ANKRD36: variants seen among roughly 807,000 people sequenced by gnomAD.
The protein encoded by ANKRD36 is ankyrin repeat domain 36, also known as ankyrin repeat domain-containing protein 36A.
ANKRD36 carries 179 observed loss-of-function variants against 278.1 expected under a neutral mutation model. That is an observed-to-expected ratio of 0.64 (90% confidence interval 0.57 to 0.73). The LOEUF is 0.73. Ranked by LOEUF, ANKRD36 falls within the 30% of genes least tolerant of loss-of-function variation. The pLI is 0.00. For missense variants in ANKRD36, 1,159 were observed against 1,956.7 expected, an observed-to-expected ratio of 0.59 and a Z score of 7.69; for synonymous variants, 320 against 641.1, an observed-to-expected ratio of 0.50 and a Z score of 7.57.
intron 6 of ANKRD36, among the ~76,000 whole-genome samples, chr2:97,131,645 C>A (rs1240550976): frequency 1.3e-5 from 2 of 151,778 alleles, no homozygotes; most frequent in Non-Finnish European, 2.9e-5. Context: ...AAGAACTGCC[C>A]TTAACAGATG....
intron 48 of ANKRD36, among the ~76,000 whole-genome samples, chr2:97,203,769 G>T (rs1282337781): frequency 6.6e-6 from 1 of 151,820 alleles, no homozygotes; most frequent in Non-Finnish European, 1.5e-5. Flanking sequence ...TCTGATTTTA[G>T]ATCACTTTGT....
At chr2:97,154,824 C>G in intron 15 of ANKRD36, 83 bp downstream of exon 15, 1 of 1,152,286 alleles carries the variant, frequency 8.7e-7, no homozygotes, top group Non-Finnish European at 1.2e-6. Flanking sequence ...TAATAGGTAG[C>G]AATTGTCTAC....
intron 40 of ANKRD36, among the ~76,000 whole-genome samples, chr2:97,196,378 A>G (rs1294959963): frequency 6.6e-6 from 1 of 151,954 alleles, no homozygotes; most frequent in African/African-American, 2.4e-5. Context: ...AAATCATGCC[A>G]TGTTTGAAAT....
intron 75 of ANKRD36, among the ~76,000 whole-genome samples, chr2:97,259,074 C>T (rs1422036175): frequency 2.3e-4 from 32 of 139,414 alleles, no homozygotes; most frequent in African/African-American, 8.0e-4. Flanking sequence ...TGTTTTTCCC[C>T]GATGGAATCA....
chr2:97,169,953 G>A (rs1027131011), intron 22 of ANKRD36, among the ~76,000 whole-genome samples: 4 of 152,070 alleles, frequency 2.6e-5, no homozygotes, highest in Non-Finnish European at 5.9e-5. Flanking sequence ...CAAAAAAAGG[G>A]CCCATATAGC....
intron 46 of ANKRD36, among the ~76,000 whole-genome samples, chr2:97,201,707 T>C (rs151020189): frequency 6.6e-4 from 100 of 152,026 alleles, no homozygotes; most frequent in Non-Finnish European, 1.3e-3. Context: ...GGAAGAGATG[T>C]GAAGTATAAG....
chr2:97,196,546 T>G, intron 40 of ANKRD36, 47 bp from the exon 41 acceptor site: 1 of 1,601,932 alleles, frequency 6.2e-7, no homozygotes, highest in Non-Finnish European at 8.5e-7. Context: ...ATGGATATCT[T>G]TGTCATATTT....
At chr2:97,188,517 A>C (rs1267277546) in intron 32 of ANKRD36, among the ~76,000 whole-genome samples, 1 of 150,690 alleles carries the variant, frequency 6.6e-6, no homozygotes, top group African/African-American at 2.4e-5. Context: ...GGTGAGAGAT[A>C]ATGAATATTA....
rs541567995 is a variant in ANKRD36 at position 97,207,454 on chromosome 2, A to C, written c.3164-357A>C. Reference sequence around the variant, plus strand: ...TCCTGCATGAAAGACATGTGGGATCATGTAGCACCTGCTTTGACATTGATT... The same window carrying C: ...TCCTGCATGAAAGACATGTGGGATCCTGTAGCACCTGCTTTGACATTGATT... On this transcript the variant is annotated intron_variant, in intron 52 of 75. Coordinates refer to ENST00000420699, the MANE Select transcript of ANKRD36 (RefSeq NM_001354587.1). 4.4e-3 allele frequency among the ~76,000 whole-genome samples: 669 copies of C among 151,582 alleles called. 6 individuals carry two copies. The highest frequency in any genetic ancestry group is 0.015 in the African/African-American group (636 of 41,444).
rs1364056832 is a variant in ANKRD36 at position 97,139,178 on chromosome 2, T to A, written c.800-3462T>A. 3.3e-5 allele frequency among the ~76,000 whole-genome samples: 5 copies of A among 152,022 alleles called. No homozygotes were observed. In the Admixed American group the frequency reaches 3.3e-4, roughly 10 times the overall value. ...AATGAAGAAAGTAAGTAGTCATGCT[T>A]TCCTGACTCTTTGGTAGACATAGCC... is the stretch of plus-strand genomic sequence containing the variant. On this transcript the variant is annotated intron_variant, in intron 6 of 75. Transcript: ENST00000420699.
intron 6 of ANKRD36, among the ~76,000 whole-genome samples, chr2:97,129,087 A>G (rs1574631725): frequency 6.6e-6 from 1 of 152,100 alleles, no homozygotes; most frequent in Admixed American, 6.6e-5. Context: ...AGTCCCACCA[A>G]CAGTGTAAAA....
At chr2:97,200,550 G>A in intron 46 of ANKRD36, 25 bp downstream of exon 46, 1 of 1,542,556 alleles carries the variant, frequency 6.5e-7, no homozygotes, top group Non-Finnish European at 8.7e-7. Context: ...CACATTTAAT[G>A]TCATGTTCAG....
At chr2:97,222,310 G>A (rs113934577) in intron 66 of ANKRD36, among the ~76,000 whole-genome samples, 10,387 of 151,712 alleles carry the variant, frequency 0.068, 514 homozygotes, top group Middle Eastern at 0.17. Context: ...TTCCAATTCT[G>A]TGAAGAGATT....
In ANKRD36 at chr2:97,118,352, A is replaced by G; in HGVS notation, c.321A>G (p.Gln107=). Reference sequence around the variant, plus strand: ...CGGTCTAATACTGACAGGCTGTACAACTGAGGCAGGAGGCTTGTGCAACTC... The same window carrying G: ...CGGTCTAATACTGACAGGCTGTACAGCTGAGGCAGGAGGCTTGTGCAACTC... ...EDRTPLIKAV[Q]LRQEACATLL... The change falls in exon 3 of 76, where the codon CAA becomes CAG. Residue 107 remains glutamine (Q), a synonymous_variant. Transcript: ENST00000420699. The G allele has an allele frequency of 6.2e-7, 1 of 1,610,736 alleles. No individual in the cohort carries two copies.
intron 56 of ANKRD36, 110 bp downstream of exon 56, chr2:97,209,982 A>G (rs1370957295): frequency 1.4e-6 from 2 of 1,428,004 alleles, no homozygotes; most frequent in Non-Finnish European, 1.9e-6. Context: ...CTGATTCAGC[A>G]GTCCTGAGAT....
chr2:97,208,814 G>T (rs1237867271), intron 54 of ANKRD36, among the ~76,000 whole-genome samples: 1 of 146,764 alleles, frequency 6.8e-6, no homozygotes, highest in Admixed American at 6.7e-5. Context: ...AGAATAACAC[G>T]ATACTCCCAA....
intron 22 of ANKRD36, among the ~76,000 whole-genome samples, chr2:97,175,068 G>T (rs1162584678): frequency 6.8e-6 from 1 of 146,828 alleles, no homozygotes; most frequent in Non-Finnish European, 1.5e-5. Context: ...GTTCATCAAG[G>T]ATATTGGTCT....
Position 97,243,183 on chromosome 2 carries a change from G to T in ANKRD36, c.4308-663G>T, listed in dbSNP as rs1339522113. ...AGAACATGTGCCCGAGGTGGTCGGGGTGCAGCTTGGTTTTATACATTTTAG... is the reference window on the plus strand; with the variant it reads ...AGAACATGTGCCCGAGGTGGTCGGGTTGCAGCTTGGTTTTATACATTTTAG... On this transcript the variant is annotated intron_variant, in intron 69 of 75. Coordinates refer to ENST00000420699, the MANE Select transcript of ANKRD36 (RefSeq NM_001354587.1). Among the ~76,000 whole-genome samples, 56 of 142,532 alleles carry T rather than the reference G, an allele frequency of 3.9e-4. 1 individual carries two copies. Among genetic ancestry groups the T allele is most frequent in the Admixed American group, 5.0e-4 (7 of 14,036 alleles). 93.5% of individuals were successfully genotyped at this position (142,532 alleles called of 152,430 possible).
chr2:97,212,393 T>A (rs1360878063), intron 58 of ANKRD36, among the ~76,000 whole-genome samples: 2 of 151,864 alleles, frequency 1.3e-5, no homozygotes, highest in African/African-American at 4.8e-5. Flanking sequence ...GACTCATTAC[T>A]CCTCTTTAGG....
Sources: allele counts gnomAD v4.1 joint callset (sites outside exome capture counted in the v4.1 genomes callset), GRCh38; gene constraint gnomAD v4.1.1; transcripts MANE v1.5; gene names NCBI Gene and HGNC (gene_info 2026-07-23, HGNC 2026-07-21).